The following WDFY4 variants were observed in gnomAD, a reference collection of about 807,000 sequenced individuals.
The protein encoded by WDFY4 is WDFY family member 4.
A neutral mutation model predicts 351.9 loss-of-function variants in WDFY4; 169 were observed. The observed-to-expected ratio is 0.48, with a 90% confidence interval of 0.42 to 0.55. The LOEUF is 0.55. Among genes scored for constraint, WDFY4 ranks in the 20% least tolerant of loss-of-function variants. The probability of loss-of-function intolerance (pLI) is 0.00; values close to 1 mark genes in which losing one functional copy is unlikely to be tolerated. For synonymous variants in WDFY4, 1,622 were observed against 1,574.6 expected (o/e 1.03, Z -0.71); for missense variants, 3,803 against 3,935.6 (o/e 0.97, Z 0.90).
At chr10:48,738,687 C>T (rs1483233034) in intron 11 of WDFY4, among the ~76,000 whole-genome samples, 1 of 152,210 alleles carries the variant, frequency 6.6e-6, no homozygotes, top group African/African-American at 2.4e-5. Context: ...ATCATGGGAA[C>T]CCCCTGAAAC....
intron 51 of WDFY4, among the ~76,000 whole-genome samples, chr10:48,952,997 A>C (rs1490476622): frequency 6.6e-6 from 1 of 152,136 alleles, no homozygotes; most frequent in South Asian, 2.1e-4. Flanking sequence ...CTGCCCTGAC[A>C]GTTCAGGCTC....
chr10:48,752,260 A>G (rs12412588), intron 12 of WDFY4, among the ~76,000 whole-genome samples: 11,310 of 152,268 alleles, frequency 0.074, 631 homozygotes, highest in East Asian at 0.24. Context: ...TTCCCGAATC[A>G]CAAATCCCTG....
At chr10:48,826,326 T>C (rs1431232560) in intron 35 of WDFY4, among the ~76,000 whole-genome samples, 1 of 152,194 alleles carries the variant, frequency 6.6e-6, no homozygotes, top group African/African-American at 2.4e-5. Flanking sequence ...CGTCTGTTTT[T>C]GTACCAATTC....
At chr10:48,705,933 T>A (rs1031988857) in intron 1 of WDFY4, among the ~76,000 whole-genome samples, 1 of 152,238 alleles carries the variant, frequency 6.6e-6, no homozygotes, top group African/African-American at 2.4e-5. Flanking sequence ...AGCCAGTTAG[T>A]AAAGCCTGCA....
chr10:48,864,240 C>G (rs906196210), intron 39 of WDFY4, among the ~76,000 whole-genome samples: 4 of 152,112 alleles, frequency 2.6e-5, no homozygotes, highest in African/African-American at 9.7e-5. Flanking sequence ...GTTTTTGTTT[C>G]ATTTTAAGTT....
At chr10:48,805,592 A>G (rs571825766) in intron 26 of WDFY4, among the ~76,000 whole-genome samples, 171 bp downstream of exon 26, 1 of 152,332 alleles carries the variant, frequency 6.6e-6, no homozygotes, top group African/African-American at 2.4e-5. Context: ...TGAAGTCAGG[A>G]TGGGACAGGC....
intron 39 of WDFY4, among the ~76,000 whole-genome samples, chr10:48,848,305 C>T (rs559404352): frequency 2.0e-5 from 3 of 152,370 alleles, no homozygotes; most frequent in East Asian, 3.9e-4. Context: ...TTGCTTCTAT[C>T]ACTCAACTAA....
Position 48,828,914 on chromosome 10 carries a change from T to C in WDFY4, c.6340+18T>C. 1 of 199,792 alleles carries C rather than the reference T, an allele frequency of 5.0e-6. No homozygotes were observed. The highest frequency in any genetic ancestry group is 4.2e-5 in the South Asian group (1 of 23,676). 12.4% of individuals were successfully genotyped at this position (199,792 alleles called of 1,614,324 possible). The stretch of plus-strand genomic sequence containing the variant: ...GAGTGATGGTACATTTTATTTGTCA[T>C]TGTGTGTGTGGGCGGGGGGGGGGCG... On this transcript the variant is annotated intron_variant, in intron 37 of 61. Transcript: ENST00000325239.
chr10:48,745,288 G>A (rs2064975782), intron 12 of WDFY4, among the ~76,000 whole-genome samples: 1 of 152,294 alleles, frequency 6.6e-6, no homozygotes, highest in Admixed American at 6.5e-5. Context: ...AAGGTGGATC[G>A]TCTGGGTTCT....
chr10:48,890,686 T>C lies in WDFY4; in HGVS notation c.7275T>C (p.Ser2425=), dbSNP rs1382438108. 1.3e-6 allele frequency: 2 copies of C among 1,551,670 alleles called. No individual in the cohort carries two copies. The highest frequency in any genetic ancestry group is 2.4e-5 in the South Asian group (2 of 84,056). The stretch of plus-strand genomic sequence containing the variant: ...ACATCTGCGAGAACTTCACACTGTC[T>C]CCCACGGGTGATGTCTACTGTACCC... ...HFYICENFTL[S]PTGDVYCTRH... Residue 2425 remains serine (S), a synonymous_variant, in exon 44 of 62, where the codon TCT becomes TCC. Coordinates refer to ENST00000325239, the MANE Select transcript of WDFY4 (RefSeq NM_001394531.1).
intron 47 of WDFY4, chr10:48,910,191 T>TGTG: frequency 1.3e-6 from 2 of 1,507,198 alleles, no homozygotes; most frequent in East Asian, 2.3e-5. Context: ...TTCAGAGTCG[T>TGTG]TTATTCTGTT....
At chr10:48,744,292 C>T (rs999765951) in intron 12 of WDFY4, among the ~76,000 whole-genome samples, 19 of 152,146 alleles carry the variant, frequency 1.2e-4, no homozygotes, top group Admixed American at 4.6e-4. Context: ...AGTAAGTTAT[C>T]CTTCTGAAAG....
rs1463898150 is a variant in WDFY4 at position 48,811,682 on chromosome 10, C to T, written c.5188C>T (p.Leu1730Phe). The change falls in exon 30 of 62, where the codon CTC becomes TTC. Residue 1730 changes from leucine to phenylalanine, a missense_variant. Transcript: ENST00000325239. The stretch of plus-strand genomic sequence containing the variant: ...CTCCACCTTCTTCCTGCAGACACCA[C>T]TCACAGAGCTGATGGACGGGCCCAA... The part of the protein sequence containing the change: ...IVSTFFLQTP[L>F]TELMDGPKDS... 6.4e-7 allele frequency: 1 copy of T among 1,551,796 alleles called. No homozygotes were observed. Among genetic ancestry groups the T allele is most frequent in the Non-Finnish European group, 8.7e-7 (1 of 1,147,016 alleles).
intron 43 of WDFY4, among the ~76,000 whole-genome samples, chr10:48,888,387 C>G (rs964055528): frequency 1.3e-5 from 2 of 151,530 alleles, no homozygotes; most frequent in Non-Finnish European, 2.9e-5. Flanking sequence ...GTAGCAGCTC[C>G]TGTCAATTCT....
intron 30 of WDFY4, among the ~76,000 whole-genome samples, chr10:48,813,160 A>G (rs1565228091): frequency 6.6e-6 from 1 of 152,174 alleles, no homozygotes; most frequent in Non-Finnish European, 1.5e-5. Flanking sequence ...CTTGGTCTCA[A>G]TCGAGTTGAG....
chr10:48,736,091 G>A (rs1234722814), intron 11 of WDFY4, 21 bp downstream of exon 11: 5 of 1,551,498 alleles, frequency 3.2e-6, no homozygotes, highest in Non-Finnish European at 4.4e-6. Context: ...GTCCTCCTTT[G>A]AGATTGGCTT....
intron 2 of WDFY4, among the ~76,000 whole-genome samples, chr10:48,716,922 A>G (rs1171922097): frequency 6.6e-6 from 1 of 152,230 alleles, no homozygotes; most frequent in Non-Finnish European, 1.5e-5. Flanking sequence ...TTTTCTCTCC[A>G]GGGATTAACA....
chr10:48,901,607 A>C (rs1442643172), intron 46 of WDFY4, among the ~76,000 whole-genome samples, 194 bp from the exon 47 acceptor site: 1 of 152,230 alleles, frequency 6.6e-6, no homozygotes, highest in African/African-American at 2.4e-5. Context: ...TTAAGGCAAT[A>C]GTGTGTAATG....
At chr10:48,709,033 T>C (rs1418710586) in intron 1 of WDFY4, among the ~76,000 whole-genome samples, 1 of 148,372 alleles carries the variant, frequency 6.7e-6, no homozygotes, top group Non-Finnish European at 1.5e-5. Flanking sequence ...CAGGCTTTAG[T>C]GTGAAAGTTT....
Sources: gnomAD v4.1 joint callset for allele counts (sites outside exome capture counted in the v4.1 genomes callset) on GRCh38, gnomAD v4.1.1 for gene constraint, MANE v1.5 for transcripts, NCBI Gene and HGNC (gene_info 2026-07-23, HGNC 2026-07-21) for gene names.